The following GRIK4 variants were observed in gnomAD, a reference collection of about 807,000 sequenced individuals.
The protein encoded by GRIK4 is glutamate receptor ionotropic, kainate 4.
In GRIK4, 40 loss-of-function variants were observed where a neutral mutation model predicts 104.9. The observed-to-expected ratio is 0.38, with a 90% CI of 0.30 to 0.50. The LOEUF (loss-of-function observed/expected upper bound fraction) is 0.50. Ranked by LOEUF, GRIK4 falls within the 20% of genes least tolerant of loss-of-function variation. The probability of loss-of-function intolerance (pLI) is 0.93; values close to 1 mark genes in which losing one functional copy is unlikely to be tolerated. For missense variants in GRIK4, 1,047 were observed against 1,308.1 expected (o/e 0.80, Z 3.08); for synonymous variants, 485 against 524.9 (o/e 0.92, Z 1.04).
intron 9 of GRIK4, chr11:120,871,533 C>A: frequency 2.2e-6 from 1 of 453,374 alleles, no homozygotes; most frequent in Non-Finnish European, 4.4e-6. Context: ...CAGAGGTGTG[C>A]ACTGTTCCCC....
chr11:120,925,384 C>T (rs1317684177), intron 13 of GRIK4, among the ~76,000 whole-genome samples: 1 of 152,164 alleles, frequency 6.6e-6, no homozygotes, highest in Non-Finnish European at 1.5e-5. Flanking sequence ...ACACAGGCCC[C>T]CGATCACGCC....
intron 3 of GRIK4, among the ~76,000 whole-genome samples, chr11:120,790,504 G>A (rs111296745): frequency 1.6e-3 from 245 of 152,258 alleles, no homozygotes; most frequent in African/African-American, 5.8e-3. Flanking sequence ...TACGTTCCAG[G>A]AAGAGACCAC....
chr11:120,935,904 C>T (rs1025695895), intron 13 of GRIK4, among the ~76,000 whole-genome samples: 1 of 152,122 alleles, frequency 6.6e-6, no homozygotes, highest in Non-Finnish European at 1.5e-5. Context: ...AGACACTGTA[C>T]AGTTAAAAAA....
intron 1 of GRIK4, among the ~76,000 whole-genome samples, chr11:120,587,451 G>C (rs1948681871): frequency 1.3e-5 from 2 of 152,176 alleles, no homozygotes; most frequent in African/African-American, 4.8e-5. Context: ...CCTGGGAAAA[G>C]TTACTTAAAA....
Position 120,961,162 on chromosome 11 carries a change from C to T in GRIK4, c.2040+88C>T, listed in dbSNP as rs557847327. The T allele has an allele frequency of 6.8e-5, 82 of 1,200,724 alleles. No individual in the cohort carries two copies. The South Asian group carries it at 8.1e-4, about 12-fold the overall frequency. 74.4% of individuals were successfully genotyped at this position (1,200,724 alleles called of 1,614,324 possible). A position where few individuals can be genotyped will look rare whatever the true frequency, so the allele number is the denominator to read the frequency against. ...TCTGCTGGAGATAAAAACATCTCTC[C>T]GCATCTCATTATCTCTTTTGAACAT... On this transcript the variant is annotated intron_variant, in intron 17 of 20. Transcript: ENST00000527524.
In GRIK4 at chr11:120,819,697, T is replaced by C; in HGVS notation, c.346-58T>C. 1 of 1,540,894 alleles carries C rather than the reference T, an allele frequency of 6.5e-7. No homozygotes were observed. Among genetic ancestry groups the C allele is most frequent in the South Asian group, 1.1e-5 (1 of 89,016 alleles). Reference sequence around the variant, plus strand: ...ACAACCTCAGCTCACTCATCCCTCTTTCTTCCTTTTCACCCACCTGGATCC... The same window carrying C: ...ACAACCTCAGCTCACTCATCCCTCTCTCTTCCTTTTCACCCACCTGGATCC... On this transcript the variant is annotated intron_variant, in intron 5 of 20. Coordinates refer to ENST00000527524, the MANE Select transcript of GRIK4 (RefSeq NM_014619.5). The surrounding 1 kb of genome is among the most constrained non-coding windows in gnomAD (Gnocchi z 4.3).
chr11:120,754,404 G>C (rs1016841915), intron 3 of GRIK4, among the ~76,000 whole-genome samples: 1 of 152,162 alleles, frequency 6.6e-6, no homozygotes, highest in African/African-American at 2.4e-5. Flanking sequence ...GCTCATCCGG[G>C]TTGTAGCGTG....
chr11:120,964,767 C>T (rs1396053598), intron 18 of GRIK4, among the ~76,000 whole-genome samples: 1 of 151,410 alleles, frequency 6.6e-6, no homozygotes, highest in Non-Finnish European at 1.5e-5. Flanking sequence ...ACTTAATAGT[C>T]CCCCCTGCAA....
intron 3 of GRIK4, among the ~76,000 whole-genome samples, chr11:120,717,949 G>A (rs978408913): frequency 2.0e-5 from 3 of 152,174 alleles, no homozygotes; most frequent in Non-Finnish European, 2.9e-5. Context: ...CCCTGCCCGC[G>A]TCTGTAAGCT....
chr11:120,533,886 AC>A (rs1947946518), intron 1 of GRIK4, among the ~76,000 whole-genome samples: 1 of 152,128 alleles, frequency 6.6e-6, no homozygotes, highest in Non-Finnish European at 1.5e-5. Flanking sequence ...CAAAACAAAA[AC>A]AAAAACAAAA....
chr11:120,770,746 G>A (rs565642127), intron 3 of GRIK4, among the ~76,000 whole-genome samples: 1 of 152,210 alleles, frequency 6.6e-6, no homozygotes, highest in East Asian at 1.9e-4. Flanking sequence ...GAGGACTTTG[G>A]GACATGATTA....
rs115494671 is a variant in GRIK4 at position 120,782,804 on chromosome 11, A to G, written c.83-19889A>G. Among the ~76,000 whole-genome samples, 467 of 152,220 alleles carry G rather than the reference A, an allele frequency of 3.1e-3. 7 individuals carry two copies. Among genetic ancestry groups the G allele is most frequent in the African/African-American group, 9.3e-3 (388 of 41,538 alleles). On this transcript the variant is annotated intron_variant, in intron 3 of 20. Coordinates refer to ENST00000527524, the MANE Select transcript of GRIK4 (RefSeq NM_014619.5). ...ACGCCGGTGGTTCTAAGCTGGGGGC[A>G]ATTTCTCCCCCTCTCCCTCCTCCAG... is the stretch of plus-strand genomic sequence containing the variant.
intron 1 of GRIK4, among the ~76,000 whole-genome samples, 174 bp downstream of exon 1, chr11:120,512,061 C>A: frequency 6.8e-6 from 1 of 147,806 alleles, no homozygotes; most frequent in Non-Finnish European, 1.5e-5. Flanking sequence ...CCCGCGCCCT[C>A]CTCCCCGCTC....
intron 3 of GRIK4, among the ~76,000 whole-genome samples, chr11:120,781,449 C>T (rs1254626958): frequency 6.6e-6 from 1 of 152,150 alleles, no homozygotes; most frequent in African/African-American, 2.4e-5. Flanking sequence ...TTCTTGGGCT[C>T]AAGCCATCCT....
At chr11:120,839,845 A>G (rs1434278272) in intron 8 of GRIK4, among the ~76,000 whole-genome samples, 1 of 152,224 alleles carries the variant, frequency 6.6e-6, no homozygotes, top group Non-Finnish European at 1.5e-5. Context: ...CTGTCAGTTG[A>G]TTACCCATCA....
chr11:120,704,496 G>T (rs1354528795), intron 3 of GRIK4, among the ~76,000 whole-genome samples: 3 of 152,184 alleles, frequency 2.0e-5, no homozygotes, highest in African/African-American at 7.2e-5. Context: ...TTCGAAGCCT[G>T]CACGTAATTT....
chr11:120,797,536 C>T (rs540381983), intron 3 of GRIK4, among the ~76,000 whole-genome samples: 1 of 152,338 alleles, frequency 6.6e-6, no homozygotes, highest in East Asian at 1.9e-4. Flanking sequence ...GAGCCTCCAC[C>T]TTGTCTTTGA....
At chr11:120,806,943 A>G (rs1952723406) in intron 4 of GRIK4, among the ~76,000 whole-genome samples, 1 of 152,136 alleles carries the variant, frequency 6.6e-6, no homozygotes, top group Non-Finnish European at 1.5e-5. Context: ...GGGTTCAAAT[A>G]GACAGATTTT....
intron 9 of GRIK4, chr11:120,871,925 A>G (rs1954620980): frequency 6.6e-6 from 3 of 456,170 alleles, no homozygotes; most frequent in Non-Finnish European, 8.8e-6. Context: ...TTTTAAAGAG[A>G]TTATCCAGAG....
Sources: allele counts gnomAD v4.1 joint callset (sites outside exome capture counted in the v4.1 genomes callset), GRCh38; gene constraint gnomAD v4.1.1; non-coding constraint Gnocchi (gnomAD v3.1); transcripts MANE v1.5; gene names NCBI Gene and HGNC (gene_info 2026-07-23, HGNC 2026-07-21).